Variants in ASTN2 observed in about 807,000 individuals in gnomAD.
ASTN2 encodes the protein astrotactin 2.
Under a neutral mutation model 139.8 loss-of-function variants are expected in ASTN2, and 54 were observed. That is an observed-to-expected ratio of 0.39 (90% CI 0.31 to 0.48). The LOEUF is 0.48. Ranked by LOEUF, ASTN2 falls within the 20% of genes least tolerant of loss-of-function variation. The pLI is 0.95. For synonymous variants in ASTN2, 756 were observed against 719.5 expected (o/e 1.05, Z -0.81); for missense variants, 1,565 against 1,725.1 (o/e 0.91, Z 1.64).
At chr9:116,659,868 T>C (rs1021012907) in intron 16 of ASTN2, among the ~76,000 whole-genome samples, 11 of 152,152 alleles carry the variant, frequency 7.2e-5, no homozygotes, top group East Asian at 1.9e-4. Flanking sequence ...TCAAGTTCCA[T>C]TGTGGAAAGG....
intron 16 of ASTN2, among the ~76,000 whole-genome samples, chr9:116,713,258 C>T (rs746983704): frequency 6.6e-6 from 1 of 152,082 alleles, no homozygotes; most frequent in Non-Finnish European, 1.5e-5. Flanking sequence ...ATCAAGATCT[C>T]CAAAAGGAGC....
At chr9:116,975,109 C>G in intron 10 of ASTN2, 99 bp downstream of exon 10, 1 of 1,255,728 alleles carries the variant, frequency 8.0e-7, no homozygotes, top group Non-Finnish European at 1.1e-6. Context: ...ATCAACTAAA[C>G]AGCAAGAACA....
At chr9:116,434,189 G>A (rs1316351545) in intron 22 of ASTN2, among the ~76,000 whole-genome samples, 1 of 152,030 alleles carries the variant, frequency 6.6e-6, no homozygotes, top group Non-Finnish European at 1.5e-5. Context: ...CAAGAAAAGA[G>A]GAATACAATG....
intron 5 of ASTN2, among the ~76,000 whole-genome samples, chr9:117,052,160 G>T (rs1472668912): frequency 6.6e-6 from 1 of 152,128 alleles, no homozygotes; most frequent in Non-Finnish European, 1.5e-5. Context: ...TTAAATAGTG[G>T]CTGGGCATGG....
At chr9:117,077,658 G>T (rs997193841) in intron 5 of ASTN2, among the ~76,000 whole-genome samples, 66 of 152,282 alleles carry the variant, frequency 4.3e-4, no homozygotes, top group African/African-American at 1.5e-3. Flanking sequence ...TGAGGCAAGA[G>T]AATCGCTTGA....
chr9:117,308,850 C>T (rs1208697146), intron 1 of ASTN2, among the ~76,000 whole-genome samples: 1 of 152,118 alleles, frequency 6.6e-6, no homozygotes, highest in Non-Finnish European at 1.5e-5. Context: ...GGGGACAGAA[C>T]AGGATTTTTC....
chr9:116,743,622 C>T (rs1010516398), intron 13 of ASTN2, among the ~76,000 whole-genome samples: 1 of 152,082 alleles, frequency 6.6e-6, no homozygotes, highest in African/African-American at 2.4e-5. Context: ...AGCGATTCGC[C>T]TGCCTCCCGA....
intron 10 of ASTN2, among the ~76,000 whole-genome samples, chr9:116,909,585 A>G (rs1834258384): frequency 6.6e-6 from 1 of 152,138 alleles, no homozygotes; most frequent in South Asian, 2.1e-4. Flanking sequence ...TTGGGACTGG[A>G]GCTATTGGCA....
At chr9:116,733,793 C>T (rs1037004371) in intron 13 of ASTN2, among the ~76,000 whole-genome samples, 1 of 152,134 alleles carries the variant, frequency 6.6e-6, no homozygotes. Context: ...ACCTCAGTTT[C>T]CTTGTCTATA....
intron 19 of ASTN2, among the ~76,000 whole-genome samples, chr9:116,577,531 C>CA (rs766364208): frequency 3.7e-4 from 42 of 114,886 alleles, no homozygotes; most frequent in South Asian, 2.6e-3. Context: ...AACTGTGTCT[C>CA]AAAAAAAAAA....
chr9:117,236,093 G>A (rs933514470), intron 2 of ASTN2, among the ~76,000 whole-genome samples: 1 of 152,172 alleles, frequency 6.6e-6, no homozygotes, highest in Non-Finnish European at 1.5e-5. Flanking sequence ...ATAGAGCTAA[G>A]TAGCATTATA....
intron 5 of ASTN2, among the ~76,000 whole-genome samples, chr9:117,064,012 G>A (rs898444817): frequency 2.0e-5 from 3 of 151,946 alleles, no homozygotes; most frequent in East Asian, 1.9e-4. Context: ...TTGTTTTCCC[G>A]AGAGCTTTTT....
chr9:117,050,130 C>T (rs1159509886), intron 5 of ASTN2, among the ~76,000 whole-genome samples: 1 of 152,078 alleles, frequency 6.6e-6, no homozygotes, highest in Non-Finnish European at 1.5e-5. Flanking sequence ...CCACCACATT[C>T]AGCCCACACC....
intron 11 of ASTN2, among the ~76,000 whole-genome samples, chr9:116,838,428 T>G (rs1832084842): frequency 6.6e-6 from 1 of 151,184 alleles, no homozygotes; most frequent in Admixed American, 6.6e-5. Flanking sequence ...TCCAGTTGCT[T>G]TCTTTTCTTT....
rs189211313 is a variant in ASTN2, at chr9:117,180,188, G to A, written c.1015+34170C>T. Among the ~76,000 whole-genome samples the A allele has an allele frequency of 6.6e-5, 10 of 152,144 alleles. No individual in the cohort carries two copies. The East Asian group carries it at 1.5e-3, about 24-fold the overall frequency. On this transcript the variant is annotated intron_variant, in intron 3 of 22. Coordinates refer to ENST00000313400, the MANE Select transcript of ASTN2 (RefSeq NM_001365068.1). Reference sequence around the variant, plus strand: ...GCCACCATGTTAAATGATCTTTCTGGGAGGAAGACTATCTGGGCATGACAC... The same window carrying A: ...GCCACCATGTTAAATGATCTTTCTGAGAGGAAGACTATCTGGGCATGACAC...
intron 10 of ASTN2, among the ~76,000 whole-genome samples, chr9:116,965,296 G>A (rs1439298735): frequency 6.6e-6 from 1 of 152,200 alleles, no homozygotes; most frequent in African/African-American, 2.4e-5. Flanking sequence ...GACATGGGTT[G>A]GAATAGATTT....
In ASTN2 at chr9:117,071,269, C is replaced by T. The variant is rs927177935; in HGVS notation, c.1276+24775G>A. ...CTGCAGGTCTGTTGGAATACCCTGC[C>T]GTGTGAGGTGTCAGTGTGCCCCTGC... On this transcript the variant is annotated intron_variant, in intron 5 of 22. Transcript: ENST00000313400. Among the ~76,000 whole-genome samples the T allele has an allele frequency of 3.2e-3, 479 of 151,120 alleles. 3 individuals carry two copies. Among genetic ancestry groups the T allele is most frequent in the African/African-American group, 4.5e-3 (184 of 41,224 alleles).
chr9:116,692,748 A>G (rs1033814236), intron 16 of ASTN2, among the ~76,000 whole-genome samples: 4 of 152,084 alleles, frequency 2.6e-5, no homozygotes, highest in African/African-American at 9.7e-5. Flanking sequence ...TAGTTTTCTC[A>G]TCTATTTTAC....
chr9:116,797,840 A>G (rs1588301070), intron 13 of ASTN2, among the ~76,000 whole-genome samples: 2 of 152,206 alleles, frequency 1.3e-5, no homozygotes, highest in South Asian at 4.1e-4. Flanking sequence ...GTTGGATGCC[A>G]TGTCTCCAAG....
Sources: gnomAD v4.1 joint callset for allele counts (sites outside exome capture counted in the v4.1 genomes callset) on GRCh38, gnomAD v4.1.1 for gene constraint, MANE v1.5 for transcripts, NCBI Gene and HGNC (gene_info 2026-07-23, HGNC 2026-07-21) for gene names.